TTC16: variants seen among roughly 807,000 people sequenced by gnomAD.
The protein encoded by TTC16 is tetratricopeptide repeat domain 16, also known as tetratricopeptide repeat protein 16.
In TTC16, 66 loss-of-function variants were observed where a neutral mutation model predicts 80.4. The observed-to-expected ratio is 0.82, with a 90% CI of 0.67 to 1.01. The LOEUF (loss-of-function observed/expected upper bound fraction) is 1.01. Ranked by LOEUF, TTC16 falls within the 50% of genes least tolerant of loss-of-function variation. The probability of loss-of-function intolerance (pLI) is 0.00; values close to 1 mark genes in which losing one functional copy is unlikely to be tolerated. For missense variants in TTC16, 1,070 were observed against 1,103.2 expected (o/e 0.97, Z 0.43); for synonymous variants, 438 against 451.3 (o/e 0.97, Z 0.37).
chr9:127,725,049 G>A (rs1279889814), intron 9 of TTC16, 152 bp downstream of exon 9: 1 of 929,234 alleles, frequency 1.1e-6, no homozygotes, highest in Non-Finnish European at 1.5e-6. Flanking sequence ...TGGATCGCCT[G>A]AGGTCGAGAG....
At chr9:127,724,597 C>A in intron 8 of TTC16, 159 bp from the exon 9 acceptor site, 1 of 1,152,856 alleles carries the variant, frequency 8.7e-7, no homozygotes, top group Non-Finnish European at 1.2e-6. Flanking sequence ...AGCTGGGGAA[C>A]AGTGCCCAGA....
chr9:127,726,922 C>T (rs142684382), intron 10 of TTC16, 48 bp from the exon 11 acceptor site: 16 of 1,608,900 alleles, frequency 9.9e-6, no homozygotes, highest in Middle Eastern at 1.7e-4. Context: ...TGCTGTCTGT[C>T]TGCTGCTCTG....
intron 9 of TTC16, among the ~76,000 whole-genome samples, 168 bp from the exon 10 acceptor site, chr9:127,726,071 G>C (rs1232810901): frequency 3.3e-5 from 5 of 152,212 alleles, no homozygotes; most frequent in Non-Finnish European, 1.5e-5. Flanking sequence ...TGGCATCGAA[G>C]TGTTGGCTTC....
At chr9:127,730,285 C>A in intron 13 of TTC16, 1 of 345,126 alleles carries the variant, frequency 2.9e-6, no homozygotes. Flanking sequence ...GTGCATTTAG[C>A]GCCTTTTAGT....
In TTC16 at chr9:127,717,311, G is replaced by A. The variant is rs759928483; in HGVS notation, c.192-23G>A. ...GGTCCACAGTCAGGGCCACCCCTCTGCCTGTCCCCACTTTCCCCACAGCTA... is the reference window on the plus strand; with the variant it reads ...GGTCCACAGTCAGGGCCACCCCTCTACCTGTCCCCACTTTCCCCACAGCTA... On this transcript the variant is annotated intron_variant, in intron 2 of 13. Coordinates refer to ENST00000373289, the MANE Select transcript of TTC16 (RefSeq NM_144965.3). 18 of 1,604,528 alleles carry A rather than the reference G, an allele frequency of 1.1e-5. No individual in the cohort carries two copies. The South Asian group carries it at 2.0e-4, about 18-fold the overall frequency.
Position 127,720,344 on chromosome 9 carries a change from C to CA in TTC16, c.608dup (p.Asn203LysfsTer292). On this transcript the variant is annotated frameshift_variant, in exon 6 of 14. Coordinates refer to ENST00000373289, the MANE Select transcript of TTC16 (RefSeq NM_144965.3). LOFTEE classifies it high-confidence loss of function. ...CCAACGAGCTGAAGCAGGACACCAC[C>CA]AACGCCGATGTCTACATCTTCCGGG... 1 of 1,613,436 alleles carries CA rather than the reference C, an allele frequency of 6.2e-7. No individual in the cohort carries two copies. Among genetic ancestry groups the CA allele is most frequent in the Non-Finnish European group, 8.5e-7 (1 of 1,179,990 alleles).
rs1362812852 is a variant in TTC16, at chr9:127,723,307, T to A, written c.846T>A (p.Pro282=). Residue 282 remains proline, a synonymous_variant, in exon 7 of 14, where the codon CCT becomes CCA. Transcript: ENST00000373289. Reference sequence around the variant, plus strand: ...TCAACCGTGCCATCGAGAACAACCCTCTGGACCCCAGTCTCTTCCTCTTCC... The same window carrying A: ...TCAACCGTGCCATCGAGAACAACCCACTGGACCCCAGTCTCTTCCTCTTCC... ...QRINRAIENN[P]LDPSLFLFRG... is the part of the protein sequence containing the mutation. 6.2e-7 allele frequency: 1 copy of A among 1,612,638 alleles called. No homozygotes were observed. The highest frequency in any genetic ancestry group is 8.5e-7 in the Non-Finnish European group (1 of 1,179,920).
chr9:127,721,260 A>T (rs975317409), intron 6 of TTC16, among the ~76,000 whole-genome samples: 2 of 151,518 alleles, frequency 1.3e-5, no homozygotes, highest in African/African-American at 4.9e-5. Flanking sequence ...GTCAGCGGGG[A>T]GGGCTGGAGG....
chr9:127,730,504 G>A, intron 13 of TTC16, 132 bp from the exon 14 acceptor site: 1 of 1,368,646 alleles, frequency 7.3e-7, no homozygotes, highest in South Asian at 1.5e-5. Context: ...GGGGTGATCT[G>A]CAGGTCTTTC....
intron 2 of TTC16, 70 bp from the exon 3 acceptor site, chr9:127,717,264 C>T (rs1377558268): frequency 1.3e-6 from 2 of 1,491,148 alleles, no homozygotes; most frequent in Middle Eastern, 1.7e-4. Context: ...ACAACCCCCA[C>T]CCCAGCCCTA....
At chr9:127,721,676 G>A (rs1843523551) in intron 6 of TTC16, among the ~76,000 whole-genome samples, 1 of 152,090 alleles carries the variant, frequency 6.6e-6, no homozygotes, top group Non-Finnish European at 1.5e-5. Flanking sequence ...TCCCACAAGC[G>A]ATTCAGTGGC....
At chr9:127,720,922 T>TCCCCCCTTCTTCCC (rs1316511232) in intron 6 of TTC16, among the ~76,000 whole-genome samples, 2 of 28,774 alleles carry the variant, frequency 7.0e-5, no homozygotes, top group African/African-American at 1.2e-4. Flanking sequence ...CCCTCCTCCC[T>TCCCCCCTTCTTCCC]TCCTCCCTTC....
In TTC16 at chr9:127,724,832, C is replaced by G. The variant is rs1334457264; in HGVS notation, c.1194C>G (p.Asp398Glu). Residue 398 changes from aspartate to glutamate, a missense_variant, in exon 9 of 14, where the codon GAC becomes GAG. By Grantham distance (45) the Asp-to-Glu change is conservative. Transcript: ENST00000373289. ...AGGCGCTGGCGCTGAGCCCTCAGGACGAGGGCGCCAACACGCGCATGGGCC... is the reference window on the plus strand; with the variant it reads ...AGGCGCTGGCGCTGAGCCCTCAGGAGGAGGGCGCCAACACGCGCATGGGCC... ...YQQALALSPQ[D>E]EGANTRMGLL... 2.5e-6 allele frequency: 4 copies of G among 1,603,388 alleles called. No individual in the cohort carries two copies. Among genetic ancestry groups the G allele is most frequent in the Non-Finnish European group, 3.4e-6 (4 of 1,175,986 alleles).
rs1490733315 is a variant in TTC16 at position 127,726,939 on chromosome 9, A to C, written c.1426-31A>C. 10 of 1,612,736 alleles carry C rather than the reference A, an allele frequency of 6.2e-6. No individual in the cohort carries two copies. The South Asian group carries it at 1.1e-4, about 18-fold the overall frequency. ...CTGTCTGTCTGCTGCTCTGGCCCTC[A>C]CCTGGCTCTGGTCACCCCCTTTCGT... On this transcript the variant is annotated intron_variant, in intron 10 of 13. Coordinates refer to ENST00000373289, the MANE Select transcript of TTC16 (RefSeq NM_144965.3).
chr9:127,719,989 C>A, intron 4 of TTC16, 89 bp from the exon 5 acceptor site: 1 of 1,114,236 alleles, frequency 9.0e-7, no homozygotes, highest in Non-Finnish European at 1.4e-6. Context: ...TTGTATCTCT[C>A]CCTCCTGCCT....
At chr9:127,729,853 C>T in intron 13 of TTC16, 185 bp downstream of exon 13, 1 of 597,668 alleles carries the variant, frequency 1.7e-6, no homozygotes, top group Non-Finnish European at 3.0e-6. Context: ...CGAGGTGAGG[C>T]TTGCTCCAGG....
chr9:127,717,879 G>A (rs1843175327), intron 4 of TTC16, 107 bp downstream of exon 4: 4 of 1,405,326 alleles, frequency 2.8e-6, no homozygotes, highest in Non-Finnish European at 3.8e-6. Context: ...CCTTGTCCCT[G>A]TGTCTGGGTC....
At position 127,731,448 on chromosome 9, in the gene TTC16, G is replaced by C; in HGVS notation, c.*43G>C. On this transcript the variant is annotated 3_prime_UTR_variant, in exon 14 of 14. Coordinates refer to ENST00000373289, the MANE Select transcript of TTC16 (RefSeq NM_144965.3). ...TCCCTTCTTGCTGGGGAGGGGACGA[G>C]TTCTACCCACCTCCCCACACTGGCA... 6.4e-7 allele frequency: 1 copy of C among 1,563,004 alleles called. No individual in the cohort carries two copies. The highest frequency in any genetic ancestry group is 8.7e-7 in the Non-Finnish European group (1 of 1,153,516).
intron 13 of TTC16, 61 bp downstream of exon 13, chr9:127,729,729 C>T (rs1033910187): frequency 4.6e-6 from 7 of 1,536,006 alleles, no homozygotes; most frequent in Non-Finnish European, 5.4e-6. Flanking sequence ...AGTCAAAGCT[C>T]AGGGGTCGAA....
Sources: allele counts gnomAD v4.1 joint callset (sites outside exome capture counted in the v4.1 genomes callset), GRCh38; gene constraint gnomAD v4.1.1; transcripts MANE v1.5; gene names NCBI Gene and HGNC (gene_info 2026-07-23, HGNC 2026-07-21).